Variants in CSMD1 observed in about 807,000 individuals in gnomAD.
The protein encoded by CSMD1 is CUB and sushi domain-containing protein 1.
In CSMD1, 213 loss-of-function variants were observed where a neutral mutation model predicts 417.5. The observed-to-expected ratio is 0.51, with a 90% CI of 0.46 to 0.57. The LOEUF (loss-of-function observed/expected upper bound fraction) is 0.57, where lower values mean the gene tolerates loss of function less well. CSMD1 is among the 20% of genes least tolerant of loss of function. CSMD1 has a pLI of 0.00. For synonymous variants in CSMD1, 2,862 were observed against 1,736.8 expected (o/e 1.65, Z -16.11); for missense variants, 6,923 against 4,529.7 (o/e 1.53, Z -15.17).
At chr8:3,138,179 T>C (rs966178245) in intron 41 of CSMD1, among the ~76,000 whole-genome samples, 11 of 152,166 alleles carry the variant, frequency 7.2e-5, no homozygotes, top group African/African-American at 2.4e-4. Flanking sequence ...TGAGCTGAGA[T>C]TGTGCCACTG....
intron 23 of CSMD1, among the ~76,000 whole-genome samples, chr8:3,308,921 C>T (rs1805107908): frequency 6.6e-6 from 1 of 151,944 alleles, no homozygotes; most frequent in Non-Finnish European, 1.5e-5. Flanking sequence ...GACGGGGTTT[C>T]ACTATGTTGG....
chr8:3,543,705 G>C (rs1295435355), intron 10 of CSMD1, among the ~76,000 whole-genome samples: 2 of 152,046 alleles, frequency 1.3e-5, no homozygotes, highest in Non-Finnish European at 2.9e-5. Context: ...TTGTAGAGGA[G>C]ACCCAGAGTT....
intron 9 of CSMD1, among the ~76,000 whole-genome samples, chr8:3,579,201 CA>C (rs1224900406): frequency 6.6e-6 from 1 of 152,090 alleles, no homozygotes; most frequent in Non-Finnish European, 1.5e-5. Context: ...TATAAAACGT[CA>C]GGAGGGAAAG....
chr8:4,981,272 T>C (rs1047688031), intron 1 of CSMD1, among the ~76,000 whole-genome samples: 1 of 152,236 alleles, frequency 6.6e-6, no homozygotes, highest in Middle Eastern at 3.2e-3. Flanking sequence ...TTAAGCTCTG[T>C]CCAACTTTTC....
In CSMD1 at chr8:4,214,502, T is replaced by A. The variant is rs1020432752; in HGVS notation, c.416-182403A>T. On this transcript the variant is annotated intron_variant, in intron 3 of 69. Coordinates refer to ENST00000635120, the MANE Select transcript of CSMD1 (RefSeq NM_033225.6). Reference sequence around the variant, plus strand: ...TGGTAGTGAAAGGGTCTTCCTCTGTTGCCCAGGTTGGTCTCAAACCCCTGA... The same window carrying A: ...TGGTAGTGAAAGGGTCTTCCTCTGTAGCCCAGGTTGGTCTCAAACCCCTGA... Among the ~76,000 whole-genome samples, 41 of 152,344 alleles carry A rather than the reference T, an allele frequency of 2.7e-4. 1 individual carries two copies. The highest frequency in any genetic ancestry group is 2.4e-3 in the Admixed American group (36 of 15,304).
chr8:4,329,708 G>T (rs1799761156), intron 3 of CSMD1, among the ~76,000 whole-genome samples: 1 of 152,112 alleles, frequency 6.6e-6, no homozygotes, highest in African/African-American at 2.4e-5. Flanking sequence ...TGTTGGAGAT[G>T]AGGTCCGGTG....
chr8:2,976,332 T>A (rs1391281815), intron 55 of CSMD1, among the ~76,000 whole-genome samples: 1 of 152,118 alleles, frequency 6.6e-6, no homozygotes, highest in Non-Finnish European at 1.5e-5. Flanking sequence ...GTAGATCCGA[T>A]TCATAATGTA....
intron 2 of CSMD1, among the ~76,000 whole-genome samples, chr8:4,627,145 T>C (rs1355501241): frequency 6.6e-6 from 1 of 152,200 alleles, no homozygotes; most frequent in Admixed American, 6.5e-5. Context: ...CAACTAATAT[T>C]ATGCGATGAA....
At chr8:3,282,433 C>G (rs1485198128) in intron 26 of CSMD1, among the ~76,000 whole-genome samples, 1 of 152,114 alleles carries the variant, frequency 6.6e-6, no homozygotes, top group Non-Finnish European at 1.5e-5. Flanking sequence ...GGAAAATGAA[C>G]ATAATCTCAT....
intron 36 of CSMD1, among the ~76,000 whole-genome samples, chr8:3,185,726 C>A (rs1020698619): frequency 6.6e-6 from 1 of 152,280 alleles, no homozygotes; most frequent in East Asian, 1.9e-4. Flanking sequence ...CGTGGCAAGA[C>A]ACATACTTTC....
chr8:4,109,807 G>C (rs1282330781), intron 3 of CSMD1, among the ~76,000 whole-genome samples: 2 of 152,108 alleles, frequency 1.3e-5, no homozygotes, highest in African/African-American at 4.8e-5. Flanking sequence ...TAAACAAAAA[G>C]GGTGTTACCA....
chr8:3,232,243 T>C (rs1329397083), intron 26 of CSMD1, among the ~76,000 whole-genome samples: 2 of 152,240 alleles, frequency 1.3e-5, no homozygotes, highest in African/African-American at 4.8e-5. Flanking sequence ...TTTAGCCACA[T>C]ATATCAGTTT....
intron 2 of CSMD1, among the ~76,000 whole-genome samples, chr8:4,498,434 G>A (rs1197686439): frequency 6.6e-6 from 1 of 151,868 alleles, no homozygotes; most frequent in African/African-American, 2.4e-5. Flanking sequence ...ATGCTTCAGA[G>A]GCATTTACTT....
At chr8:3,989,326 G>A (rs149825577) in intron 5 of CSMD1, among the ~76,000 whole-genome samples, 1 of 152,184 alleles carries the variant, frequency 6.6e-6, no homozygotes, top group East Asian at 1.9e-4. Flanking sequence ...ACCGAGGTCT[G>A]AATCAGTCAT....
intron 1 of CSMD1, among the ~76,000 whole-genome samples, chr8:4,799,608 A>C (rs1481835025): frequency 6.7e-6 from 1 of 149,522 alleles, no homozygotes; most frequent in Non-Finnish European, 1.5e-5. Flanking sequence ...CAAAAAAAAA[A>C]AAAAAAAAAA....
chr8:3,785,282 CA>C (rs1477477111), intron 5 of CSMD1, among the ~76,000 whole-genome samples: 1 of 152,190 alleles, frequency 6.6e-6, no homozygotes, highest in African/African-American at 2.4e-5. Context: ...ACGACAGAAG[CA>C]TTTATAAAAT....
Position 3,756,395 on chromosome 8 carries a change from C to A in CSMD1, c.819-2353G>T, listed in dbSNP as rs148638991. 3.9e-4 allele frequency among the ~76,000 whole-genome samples: 59 copies of A among 151,476 alleles called. No homozygotes were observed. In the East Asian group the frequency reaches 8.1e-3, roughly 21 times the overall value. ...ATTAGTTTCTTTGTATATTAAAAATCAATAATTATTTTTATACACACAAAT... is the reference window on the plus strand; with the variant it reads ...ATTAGTTTCTTTGTATATTAAAAATAAATAATTATTTTTATACACACAAAT... On this transcript the variant is annotated intron_variant, in intron 5 of 69. Coordinates refer to ENST00000635120, the MANE Select transcript of CSMD1 (RefSeq NM_033225.6).
chr8:3,117,217 C>T lies in CSMD1; in HGVS notation c.6430+1182G>A, dbSNP rs1816926775. Among the ~76,000 whole-genome samples, 3 of 152,030 alleles carry T rather than the reference C, an allele frequency of 2.0e-5. No homozygotes were observed. In the South Asian group the frequency reaches 6.2e-4, roughly 31 times the overall value. On this transcript the variant is annotated intron_variant, in intron 42 of 69. Coordinates refer to ENST00000635120, the MANE Select transcript of CSMD1 (RefSeq NM_033225.6). ...TCTGGAGTAGCTGGGACTACAGGTGCCCACCACCACGCCCAGCTAATTTTT... is the reference window on the plus strand; with the variant it reads ...TCTGGAGTAGCTGGGACTACAGGTGTCCACCACCACGCCCAGCTAATTTTT...
At chr8:4,243,637 TAC>T (rs572431184) in intron 3 of CSMD1, among the ~76,000 whole-genome samples, 28 of 152,310 alleles carry the variant, frequency 1.8e-4, no homozygotes, top group Middle Eastern at 3.4e-3. Context: ...AGAAAATTAT[TAC>T]AGTTTCTTAA....
Sources: allele counts gnomAD v4.1 joint callset (sites outside exome capture counted in the v4.1 genomes callset), GRCh38; gene constraint gnomAD v4.1.1; transcripts MANE v1.5; gene names NCBI Gene and HGNC (gene_info 2026-07-23, HGNC 2026-07-21).